KHDRBS2: variants seen among roughly 807,000 people sequenced by gnomAD.
KHDRBS2 encodes the protein KH RNA binding domain containing, signal transduction associated 2, also known as KH domain-containing, RNA-binding, signal transduction-associated protein 2.
A neutral mutation model predicts 44.3 loss-of-function variants in KHDRBS2; 26 were observed. The observed-to-expected ratio is 0.59, with a 90% CI of 0.43 to 0.81. KHDRBS2 has a LOEUF of 0.81. KHDRBS2 is among the 40% of genes least tolerant of loss of function. The pLI is 0.00. For synonymous variants in KHDRBS2, 194 were observed against 151.1 expected, an observed-to-expected ratio of 1.28 and a Z score of -2.08; for missense variants, 476 against 433.1, an observed-to-expected ratio of 1.10 and a Z score of -0.88.
At chr6:61,704,192 A>G (rs760015630) in intron 7 of KHDRBS2, among the ~76,000 whole-genome samples, 2 of 151,900 alleles carry the variant, frequency 1.3e-5, no homozygotes, top group Non-Finnish European at 2.9e-5. Flanking sequence ...TATAACAACC[A>G]TAAAACAAAA....
chr6:61,799,604 C>T (rs555963574), intron 6 of KHDRBS2, among the ~76,000 whole-genome samples: 1 of 152,026 alleles, frequency 6.6e-6, no homozygotes, highest in South Asian at 2.1e-4. Context: ...GCAAATAAAT[C>T]CTTCCCACAT....
At chr6:61,584,909 G>A in the KHDRBS2 span, among the ~76,000 whole-genome samples, 1 of 151,810 alleles carries the variant, frequency 6.6e-6, no homozygotes, top group African/African-American at 2.4e-5. Flanking sequence ...TTGCTTTATA[G>A]AGGATTTTAT....
chr6:61,557,315 A>T, the KHDRBS2 span, among the ~76,000 whole-genome samples: 5 of 152,222 alleles, frequency 3.3e-5, no homozygotes, highest in African/African-American at 1.2e-4. Context: ...GTTCCCATCC[A>T]ATTTTTCTAG....
intron 1 of KHDRBS2, among the ~76,000 whole-genome samples, chr6:62,280,806 A>T (rs1262370237): frequency 6.6e-6 from 1 of 152,198 alleles, no homozygotes; most frequent in African/African-American, 2.4e-5. Context: ...CAAATAAAGG[A>T]TTTAACTACA....
intron 4 of KHDRBS2, among the ~76,000 whole-genome samples, chr6:61,916,960 TC>T (rs1420865220): frequency 7.2e-6 from 1 of 138,748 alleles, no homozygotes; most frequent in African/African-American, 2.7e-5. Flanking sequence ...AAACAGGAAC[TC>T]TGTATTTTTT....
intron 6 of KHDRBS2, among the ~76,000 whole-genome samples, chr6:61,882,278 G>A (rs1800312521): frequency 6.6e-6 from 1 of 151,948 alleles, no homozygotes; most frequent in African/African-American, 2.4e-5. Flanking sequence ...CACACCAGTT[G>A]TATCCGTACC....
chr6:62,216,515 A>G (rs1829996464), intron 1 of KHDRBS2, among the ~76,000 whole-genome samples: 1 of 151,646 alleles, frequency 6.6e-6, no homozygotes, highest in Admixed American at 6.6e-5. Flanking sequence ...AGGGCAAAAT[A>G]AGACATCATC....
chr6:62,131,113 T>A (rs1810201441), intron 2 of KHDRBS2, among the ~76,000 whole-genome samples: 1 of 152,142 alleles, frequency 6.6e-6, no homozygotes, highest in Non-Finnish European at 1.5e-5. Flanking sequence ...TAATCAGAAT[T>A]TATGAGGATG....
At chr6:61,905,374 G>C (rs1481093793) in intron 4 of KHDRBS2, among the ~76,000 whole-genome samples, 2 of 151,972 alleles carry the variant, frequency 1.3e-5, no homozygotes, top group African/African-American at 4.8e-5. Context: ...AATGGGAAAG[G>C]TAGAAACAAA....
At chr6:61,756,990 C>T (rs184309991) in intron 6 of KHDRBS2, among the ~76,000 whole-genome samples, 5 of 152,288 alleles carry the variant, frequency 3.3e-5, no homozygotes, top group Admixed American at 3.3e-4. Flanking sequence ...TTTACAGTTA[C>T]CTGCTTTAAC....
intron 1 of KHDRBS2, among the ~76,000 whole-genome samples, chr6:62,280,781 A>C (rs556332746): frequency 2.3e-4 from 35 of 152,306 alleles, no homozygotes; most frequent in Middle Eastern, 3.4e-3. Context: ...CGATCGGGAG[A>C]AAGAGTAGGA....
intron 2 of KHDRBS2, among the ~76,000 whole-genome samples, chr6:62,175,446 T>C (rs1820897357): frequency 6.6e-6 from 1 of 151,586 alleles, no homozygotes; most frequent in Non-Finnish European, 1.5e-5. Context: ...AAAAATGTAA[T>C]GGTTCACCGA....
At chr6:61,770,001 G>A (rs998924390) in intron 6 of KHDRBS2, among the ~76,000 whole-genome samples, 8 of 152,246 alleles carry the variant, frequency 5.3e-5, no homozygotes, top group Non-Finnish European at 7.3e-5. Flanking sequence ...CCAGAGGAAC[G>A]ATCAGGCAGC....
chr6:61,876,593 T>C (rs1799441134), intron 6 of KHDRBS2, among the ~76,000 whole-genome samples: 1 of 152,100 alleles, frequency 6.6e-6, no homozygotes, highest in African/African-American at 2.4e-5. Context: ...GAGGCTCTGC[T>C]GAAAATGAGA....
At chr6:62,247,139 T>C (rs2150171854) in intron 1 of KHDRBS2, among the ~76,000 whole-genome samples, 1 of 152,094 alleles carries the variant, frequency 6.6e-6, no homozygotes, top group Non-Finnish European at 1.5e-5. Flanking sequence ...AAAGTTAACA[T>C]TTCTGGGCAT....
intron 4 of KHDRBS2, among the ~76,000 whole-genome samples, chr6:61,906,002 C>T (rs1306796282): frequency 6.6e-6 from 1 of 151,816 alleles, no homozygotes; most frequent in East Asian, 1.9e-4. Context: ...TGCCCACCAC[C>T]ACGCCTGGGT....
chr6:62,032,287 C>G (rs1476679068), intron 3 of KHDRBS2, among the ~76,000 whole-genome samples: 2 of 152,014 alleles, frequency 1.3e-5, no homozygotes, highest in African/African-American at 2.4e-5. Context: ...TAGGCACAAT[C>G]TAATCAGCTG....
chr6:61,927,750 G>T (rs1362920544), intron 4 of KHDRBS2, among the ~76,000 whole-genome samples: 1 of 152,110 alleles, frequency 6.6e-6, no homozygotes, highest in Non-Finnish European at 1.5e-5. Flanking sequence ...ATGAAAGTAT[G>T]CTGTAATGCA....
chr6:62,211,471 A>G (rs780669232), intron 1 of KHDRBS2, among the ~76,000 whole-genome samples: 1 of 152,178 alleles, frequency 6.6e-6, no homozygotes, highest in Non-Finnish European at 1.5e-5. Context: ...TTACAAAAAT[A>G]AAAGTTATTT....
Sources: gnomAD v4.1 joint callset for allele counts (sites outside exome capture counted in the v4.1 genomes callset) on GRCh38, gnomAD v4.1.1 for gene constraint, MANE v1.5 for transcripts, NCBI Gene and HGNC (gene_info 2026-07-23, HGNC 2026-07-21) for gene names.